Variants in PTK2B observed in about 807,000 individuals in gnomAD.
The protein encoded by PTK2B is protein-tyrosine kinase 2-beta.
PTK2B carries 71 observed loss-of-function variants against 142.9 expected under a neutral mutation model. That is an observed-to-expected ratio of 0.50 (90% CI 0.41 to 0.61). The LOEUF is 0.61. Among genes scored for constraint, PTK2B ranks in the 20% least tolerant of loss-of-function variants. PTK2B has a pLI of 0.00. For missense variants in PTK2B, 1,105 were observed against 1,320.4 expected (o/e 0.84, Z 2.53); for synonymous variants, 519 against 503.4 (o/e 1.03, Z -0.42).
Position 27,458,651 on chromosome 8 carries a change from C to G in PTK2B, c.*142C>G, listed in dbSNP as rs1489071788. On this transcript the variant is annotated 3_prime_UTR_variant, in exon 31 of 31. Transcript: ENST00000346049. The stretch of plus-strand genomic sequence containing the variant: ...TTGCCACTTTGCACGACGCCCTCTC[C>G]CCACCCCTACCCCTGGCTGTACTGC... The G allele has an allele frequency of 1.7e-5, 13 of 786,788 alleles. No homozygotes were observed. The Admixed American group carries it at 3.0e-4, about 18-fold the overall frequency. 48.7% of individuals were successfully genotyped at this position (786,788 alleles called of 1,614,324 possible). A position where few individuals can be genotyped will look rare whatever the true frequency, so the allele number is the denominator to read the frequency against.
At chr8:27,429,678 C>T (rs1586302852) in intron 5 of PTK2B, among the ~76,000 whole-genome samples, 2 of 152,290 alleles carry the variant, frequency 1.3e-5, no homozygotes, top group East Asian at 1.9e-4. Flanking sequence ...AACATACACA[C>T]ATATAATATC....
intron 1 of PTK2B, among the ~76,000 whole-genome samples, chr8:27,329,573 A>G (rs1275459905): frequency 6.6e-6 from 1 of 152,146 alleles, no homozygotes; most frequent in African/African-American, 2.4e-5. Flanking sequence ...AAATGGCCAC[A>G]TTGGGGGATG....
chr8:27,443,149 C>A (rs1252883949), intron 22 of PTK2B, among the ~76,000 whole-genome samples, 166 bp downstream of exon 22: 2 of 152,260 alleles, frequency 1.3e-5, no homozygotes, highest in Non-Finnish European at 2.9e-5. Flanking sequence ...AGTGCCCTGG[C>A]AGGTGGACTT....
At chr8:27,319,469 C>T (rs1455629227) in intron 3 of PTK2B, among the ~76,000 whole-genome samples, 5 of 151,578 alleles carry the variant, frequency 3.3e-5, no homozygotes, top group African/African-American at 4.8e-5. Context: ...GGTGAAACCC[C>T]GTCTCTACTA....
chr8:27,449,453 C>T (rs1811673522), intron 24 of PTK2B, among the ~76,000 whole-genome samples: 1 of 152,302 alleles, frequency 6.6e-6, no homozygotes, highest in Middle Eastern at 3.4e-3. Flanking sequence ...AGTGAGGAAA[C>T]TCTTTTAAGA....
intron 1 of PTK2B, among the ~76,000 whole-genome samples, chr8:27,386,194 T>C (rs2131219778): frequency 6.6e-6 from 1 of 152,334 alleles, no homozygotes; most frequent in African/African-American, 2.4e-5. Flanking sequence ...TTATTGCTAG[T>C]GCTCCGACTT....
chr8:27,440,492 G>A (rs1811093246), intron 21 of PTK2B, 51 bp downstream of exon 21: 1 of 1,577,934 alleles, frequency 6.3e-7, no homozygotes, highest in African/African-American at 1.3e-5. Flanking sequence ...GCTGCACCAG[G>A]GAGCAAGACC....
intron 13 of PTK2B, 145 bp from the exon 14 acceptor site, chr8:27,435,598 T>TG (rs1810720268): frequency 2.2e-6 from 2 of 927,686 alleles, no homozygotes; most frequent in South Asian, 3.0e-5. Flanking sequence ...CTCTAAAACC[T>TG]GGGCTGGGAG....
intron 2 of PTK2B, among the ~76,000 whole-genome samples, chr8:27,405,004 C>G (rs1405351485): frequency 6.6e-6 from 1 of 150,604 alleles, no homozygotes; most frequent in Admixed American, 6.6e-5. Flanking sequence ...TCCTCTCCCT[C>G]TCCCCCTCCC....
chr8:27,329,473 G>A (rs937383835), intron 1 of PTK2B, among the ~76,000 whole-genome samples: 4 of 152,046 alleles, frequency 2.6e-5, no homozygotes, highest in Non-Finnish European at 4.4e-5. Context: ...GCTACCCTGG[G>A]GCTACCCTGC....
At chr8:27,331,376 G>A (rs1220884823) in intron 1 of PTK2B, among the ~76,000 whole-genome samples, 3 of 152,166 alleles carry the variant, frequency 2.0e-5, no homozygotes, top group Admixed American at 2.0e-4. Context: ...TTGCTCTTCT[G>A]GGGGTTCCCT....
chr8:27,423,662 T>G (rs1369453206), intron 5 of PTK2B, among the ~76,000 whole-genome samples: 1 of 152,150 alleles, frequency 6.6e-6, no homozygotes, highest in African/African-American at 2.4e-5. Flanking sequence ...AGAACTCTGC[T>G]GCTGCTTCTA....
At chr8:27,425,461 T>C (rs1171361124) in intron 5 of PTK2B, among the ~76,000 whole-genome samples, 1 of 152,180 alleles carries the variant, frequency 6.6e-6, no homozygotes, top group Non-Finnish European at 1.5e-5. Flanking sequence ...CTTTATTTTT[T>C]AGAGAAGTTT....
chr8:27,424,902 A>T (rs940022519), intron 5 of PTK2B, among the ~76,000 whole-genome samples: 10 of 152,132 alleles, frequency 6.6e-5, no homozygotes, highest in African/African-American at 2.2e-4. Flanking sequence ...TTCCTAGCTT[A>T]AAAAAGAGGT....
At chr8:27,376,632 C>T (rs1006885751) in intron 1 of PTK2B, among the ~76,000 whole-genome samples, 10 of 152,104 alleles carry the variant, frequency 6.6e-5, no homozygotes, top group Non-Finnish European at 1.0e-4. Context: ...GTAAAGAAGC[C>T]GGCCAAAACC....
rs749802238 is a variant in PTK2B, at chr8:27,450,813, T to C, written c.2405T>C (p.Val802Ala). The change falls in exon 25 of 31, where the codon GTC (valine) becomes GCC (alanine). Residue 802 changes from valine (V) to alanine (A), a missense_variant. Coordinates refer to ENST00000346049, the MANE Select transcript of PTK2B (RefSeq NM_173176.3). ...EAQQLWEAEK[V>A]KMRQILDKQQ... is the part of the protein sequence containing the mutation. Reference sequence around the variant, plus strand: ...CAGCAGCTGTGGGAGGCTGAAAAGGTCAAAATGCGGCAAATCCTGGACAAA... The same window carrying C: ...CAGCAGCTGTGGGAGGCTGAAAAGGCCAAAATGCGGCAAATCCTGGACAAA... 1.4e-5 allele frequency: 22 copies of C among 1,613,892 alleles called. No homozygotes were observed. Among genetic ancestry groups the C allele is most frequent in the Non-Finnish European group, 1.9e-5 (22 of 1,179,982 alleles).
At chr8:27,455,795 G>A (rs950045074) in intron 30 of PTK2B, among the ~76,000 whole-genome samples, 5 of 152,196 alleles carry the variant, frequency 3.3e-5, no homozygotes, top group East Asian at 1.9e-4. Context: ...GTTGTTTTGC[G>A]CCACTAAATT....
At chr8:27,451,647 G>A in intron 27 of PTK2B, 138 bp downstream of exon 27, 1 of 1,514,136 alleles carries the variant, frequency 6.6e-7, no homozygotes, top group Non-Finnish European at 8.9e-7. Flanking sequence ...TTAATTCAGA[G>A]CATGTGGGGC....
intron 2 of PTK2B, among the ~76,000 whole-genome samples, chr8:27,403,785 C>G (rs1808524021): frequency 6.6e-6 from 1 of 151,662 alleles, no homozygotes; most frequent in Admixed American, 6.6e-5. Context: ...CCTCCTCCTC[C>G]TCTTCTTCTT....
Sources: allele counts gnomAD v4.1 joint callset (sites outside exome capture counted in the v4.1 genomes callset), GRCh38; gene constraint gnomAD v4.1.1; transcripts MANE v1.5; gene names NCBI Gene and HGNC (gene_info 2026-07-23, HGNC 2026-07-21).